The following SCG3 variants were observed in gnomAD, a reference collection of about 807,000 sequenced individuals.
SCG3 encodes the protein secretogranin-3.
In SCG3, 38 loss-of-function variants were observed where a neutral mutation model predicts 56.2. The observed-to-expected ratio is 0.68, with a 90% CI of 0.52 to 0.89. SCG3 has a LOEUF of 0.89. Ranked by LOEUF, SCG3 falls within the 40% of genes least tolerant of loss-of-function variation. The pLI, the probability that SCG3 is intolerant of heterozygous loss-of-function variation, is 0.00. For missense variants in SCG3, 524 were observed against 540.7 expected, an observed-to-expected ratio of 0.97 and a Z score of 0.31; for synonymous variants, 176 against 184.2, an observed-to-expected ratio of 0.96 and a Z score of 0.36.
chr15:51,714,054 C>T (rs764985323), intron 11 of SCG3, among the ~76,000 whole-genome samples: 5 of 151,938 alleles, frequency 3.3e-5, no homozygotes, highest in East Asian at 1.9e-4. Flanking sequence ...ATGAATCTGC[C>T]GAGTGAGGAG....
intron 10 of SCG3, among the ~76,000 whole-genome samples, chr15:51,708,465 C>T (rs1372495435): frequency 6.6e-6 from 1 of 152,190 alleles, no homozygotes; most frequent in African/African-American, 2.4e-5. Context: ...GTTTGGTCCC[C>T]AGTCCCAGAT....
chr15:51,690,440 A>G (rs2055259317), intron 6 of SCG3, among the ~76,000 whole-genome samples: 1 of 152,040 alleles, frequency 6.6e-6, no homozygotes, highest in Admixed American at 6.5e-5. Flanking sequence ...CATCTCCTCC[A>G]GCATCTTATC....
intron 10 of SCG3, among the ~76,000 whole-genome samples, chr15:51,704,279 A>ATATATATATATG (rs2072703209): frequency 7.6e-6 from 1 of 130,838 alleles, no homozygotes; most frequent in African/African-American, 3.0e-5. Context: ...ATATATATAT[A>ATATATATATATG]AAATAGCTCT....
At chr15:51,708,398 G>A (rs141041683) in intron 10 of SCG3, 1 of 152,094 alleles carries the variant, frequency 6.6e-6, no homozygotes. Flanking sequence ...TGGTGGCAGC[G>A]GTTCCCAAAC....
chr15:51,696,060 A>G, intron 8 of SCG3, 69 bp downstream of exon 8: 4 of 840,220 alleles, frequency 4.8e-6, no homozygotes, highest in South Asian at 4.4e-5. Context: ...GGGACTTGGC[A>G]ATAATGACCT....
At chr15:51,696,965 ATTTT>A (rs887040364) in intron 8 of SCG3, among the ~76,000 whole-genome samples, 1 of 151,972 alleles carries the variant, frequency 6.6e-6, no homozygotes, top group Non-Finnish European at 1.5e-5. Context: ...GATGAACCTC[ATTTT>A]TTTTCTAAAT....
intron 11 of SCG3, 56 bp downstream of exon 11, chr15:51,713,469 G>C: frequency 8.3e-7 from 1 of 1,203,654 alleles, no homozygotes; most frequent in Non-Finnish European, 1.2e-6. Context: ...AGGGGCTCTT[G>C]TTATATAAAA....
chr15:51,693,732 C>T (rs1349782977), intron 7 of SCG3: 1 of 152,178 alleles, frequency 6.6e-6, no homozygotes, highest in Non-Finnish European at 1.5e-5. Flanking sequence ...TGGAGAACAT[C>T]CTTTGTGCTT....
At chr15:51,704,653 C>T (rs1004007415) in intron 10 of SCG3, among the ~76,000 whole-genome samples, 5 of 150,628 alleles carry the variant, frequency 3.3e-5, no homozygotes, top group African/African-American at 1.2e-4. Flanking sequence ...GAATTTTCTT[C>T]CTTTTTTAAG....
chr15:51,692,351 G>C lies in SCG3; in HGVS notation c.868+15G>C. The C allele has an allele frequency of 1.2e-6, 2 of 1,606,700 alleles. No individual in the cohort carries two copies. The highest frequency in any genetic ancestry group is 1.1e-5 in the South Asian group (1 of 90,120). On this transcript the variant is annotated intron_variant, in intron 7 of 11. Coordinates refer to ENST00000220478, the MANE Select transcript of SCG3 (RefSeq NM_013243.4). ...TATTGATTCAGGTAACCACTGTGTG[G>C]TTGTGATTATGTGGAACAGAAAGAG...
At chr15:51,699,517 T>A (rs1214092549) in intron 9 of SCG3, 115 bp downstream of exon 9, 1 of 769,866 alleles carries the variant, frequency 1.3e-6, no homozygotes, top group African/African-American at 1.8e-5. Context: ...AGTGTTAAAA[T>A]CTGAAACGCA....
At position 51,713,522 on chromosome 15, in the gene SCG3, G is replaced by A. The variant is rs1292723947; in HGVS notation, c.1288+109G>A. 10 of 624,298 alleles carry A rather than the reference G, an allele frequency of 1.6e-5. 1 individual carries two copies. Among genetic ancestry groups the A allele is most frequent in the South Asian group, 1.1e-4 (5 of 45,340 alleles). 38.7% of individuals were successfully genotyped at this position (624,298 alleles called of 1,614,324 possible). A position where few individuals can be genotyped will look rare whatever the true frequency, so the allele number is the denominator to read the frequency against. ...GACTGTGCTAAAGTCTCCCCGCAGA[G>A]CCCAAAAAAGACTGAAGTCACCTGT... is the stretch of plus-strand genomic sequence containing the variant. On this transcript the variant is annotated intron_variant, in intron 11 of 11. Transcript: ENST00000220478.
Position 51,701,327 on chromosome 15 carries a change from C to T in SCG3, c.1207+83C>T, listed in dbSNP as rs767319710. 9.5e-6 allele frequency: 13 copies of T among 1,366,616 alleles called. No individual in the cohort carries two copies. In the Admixed American group the frequency reaches 1.2e-4, roughly 13 times the overall value. 84.7% of individuals were successfully genotyped at this position (1,366,616 alleles called of 1,614,324 possible). A position where few individuals can be genotyped will look rare whatever the true frequency, so the allele number is the denominator to read the frequency against. On this transcript the variant is annotated intron_variant, in intron 10 of 11. Transcript: ENST00000220478. ...ACACAAGGGAGGGTGATCCAAAGAG[C>T]AAGCTCCATCACATCTGAGAAATTG...
chr15:51,712,519 G>A (rs550890269), intron 10 of SCG3, among the ~76,000 whole-genome samples: 13 of 152,192 alleles, frequency 8.5e-5, no homozygotes, highest in South Asian at 4.1e-4. Context: ...TGCAGGTAGC[G>A]GAAGCTAAGC....
chr15:51,692,060 G>A, intron 6 of SCG3, 99 bp from the exon 7 acceptor site: 1 of 1,139,658 alleles, frequency 8.8e-7, no homozygotes, highest in East Asian at 2.4e-5. Flanking sequence ...GGGAATTCTT[G>A]CACTTCACAT....
At chr15:51,708,278 C>A (rs945425350) in intron 10 of SCG3, 5 of 152,190 alleles carry the variant, frequency 3.3e-5, no homozygotes, top group Admixed American at 3.3e-4. Flanking sequence ...ACAGCTCCTG[C>A]AAAGAGAAAA....
At chr15:51,714,732 C>G (rs999944189) in intron 11 of SCG3, among the ~76,000 whole-genome samples, 1 of 152,136 alleles carries the variant, frequency 6.6e-6, no homozygotes, top group African/African-American at 2.4e-5. Flanking sequence ...AGATACAGCA[C>G]AGAGGGAGAA....
At chr15:51,716,788 T>C (rs942807583) in intron 11 of SCG3, among the ~76,000 whole-genome samples, 4 of 152,156 alleles carry the variant, frequency 2.6e-5, no homozygotes, top group Non-Finnish European at 5.9e-5. Flanking sequence ...CTACTTAGAG[T>C]CAGCCTCAGA....
rs1480118574 is a variant in SCG3, at chr15:51,719,960, C to G, written c.*434C>G. 1 of 153,634 alleles carries G rather than the reference C, an allele frequency of 6.5e-6. No individual in the cohort carries two copies. 9.5% of individuals were successfully genotyped at this position (153,634 alleles called of 1,614,324 possible). A position where few individuals can be genotyped will look rare whatever the true frequency, so the allele number is the denominator to read the frequency against. ...CAAGATGTCATTTCCACCAGCAGTT[C>G]CCTTAGGGGAGCTGAAATAAATTCA... On this transcript the variant is annotated 3_prime_UTR_variant, in exon 12 of 12. Coordinates refer to ENST00000220478, the MANE Select transcript of SCG3 (RefSeq NM_013243.4).
Sources: gnomAD v4.1 joint callset for allele counts (sites outside exome capture counted in the v4.1 genomes callset) on GRCh38, gnomAD v4.1.1 for gene constraint, MANE v1.5 for transcripts, NCBI Gene and HGNC (gene_info 2026-07-23, HGNC 2026-07-21) for gene names.